The following DGKK variants were observed in gnomAD, a reference collection of about 807,000 sequenced individuals.
DGKK encodes the protein 142 kDa diacylglycerol kinase.
A neutral mutation model predicts 92.2 loss-of-function variants in DGKK; 35 were observed. The observed-to-expected ratio is 0.38, with a 90% CI of 0.29 to 0.50. DGKK has a LOEUF of 0.50. Ranked by LOEUF, DGKK falls within the 20% of genes least tolerant of loss-of-function variation. DGKK has a pLI of 0.92. For missense variants in DGKK, 910 were observed against 992.2 expected (o/e 0.92, Z 1.11); for synonymous variants, 368 against 360.6 (o/e 1.02, Z -0.23).
chrX:50,469,108 T>C lies in DGKK; in HGVS notation c.645+926A>G, dbSNP rs782245701. Among the ~76,000 whole-genome samples the C allele has an allele frequency of 1.4e-4, 15 of 110,786 alleles. No homozygotes were observed. In the South Asian group the frequency reaches 5.8e-3, roughly 43 times the overall value. ...TTCCTCCCTACTCCCCTTGGGCGAG[T>C]GCCAGAAGATTCTCCACTCATCTTT... On this transcript the variant is annotated intron_variant, in intron 1 of 27. Coordinates refer to ENST00000611977, the MANE Select transcript of DGKK (RefSeq NM_001013742.4).
chrX:50,405,003 G>A (rs1389100552), intron 4 of DGKK, among the ~76,000 whole-genome samples: 1 of 111,345 alleles, frequency 9.0e-6, no homozygotes, highest in African/African-American at 3.3e-5. Flanking sequence ...CGCTCTGACT[G>A]CCTACAGCAG....
chrX:50,370,615 C>G, intron 26 of DGKK, 66 bp from the exon 27 acceptor site: 1 of 1,101,026 alleles, frequency 9.1e-7, no homozygotes, highest in South Asian at 2.1e-5. Context: ...TTGCTGGAGT[C>G]CTGGAAAAGT....
intron 27 of DGKK, 52 bp from the exon 28 acceptor site, chrX:50,369,071 A>G (rs1924047056): frequency 2.0e-6 from 2 of 986,716 alleles, no homozygotes; most frequent in Admixed American, 2.4e-5. Context: ...ACAATGCCAG[A>G]TGCCCAAGTA....
At position 50,378,220 on chromosome X, in the gene DGKK, T is replaced by C. The variant is rs1924321267; in HGVS notation, c.2989A>G (p.Met997Val). Residue 997 changes from methionine (M) to valine (V), a missense_variant, in exon 22 of 28, where the codon ATG becomes GTG. Transcript: ENST00000611977. Reference protein sequence around the residue: ...HHRIAQCHEVMITIDGEEGIP... With the variant: ...HHRIAQCHEVVITIDGEEGIP... ...CCTTCTTCACCATCAATGGTTATCA[T>C]CACCTCATGGCACTGCCAGAGAAAA... is the stretch of plus-strand genomic sequence containing the variant. The C allele has an allele frequency of 1.7e-6, 2 of 1,209,426 alleles. No homozygotes were observed. Among genetic ancestry groups the C allele is most frequent in the South Asian group, 1.8e-5 (1 of 56,472 alleles).
At chrX:50,387,762 G>C in intron 13 of DGKK, 109 bp from the exon 14 acceptor site, 1 of 510,980 alleles carries the variant, frequency 2.0e-6, no homozygotes, top group Non-Finnish European at 3.2e-6. Flanking sequence ...TTCCTGATCT[G>C]TCCTCTTTCT....
intron 3 of DGKK, 117 bp downstream of exon 3, chrX:50,422,329 G>A: frequency 2.0e-6 from 1 of 511,461 alleles, no homozygotes; most frequent in East Asian, 3.8e-5. Flanking sequence ...ATAACACTTT[G>A]GGATCAAAGG....
In DGKK at chrX:50,391,592, G is replaced by T; in HGVS notation, c.1705-16C>A. The T allele has an allele frequency of 8.3e-7, 1 of 1,210,381 alleles. No homozygotes were observed. Among genetic ancestry groups the T allele is most frequent in the African/African-American group, 1.7e-5 (1 of 57,779 alleles). On this transcript the variant is annotated splice_polypyrimidine_tract_variant and intron_variant, in intron 10 of 27. Transcript: ENST00000611977. ...CCAACTGACACTGCAAGAACAAAAG[G>T]AGACACCCTTTTCAGACAGTCTTTC...
Position 50,403,102 on chromosome X carries a change from G to C in DGKK, c.1267C>G (p.Gln423Glu). ...AGGCAGCGGAAGTCTTGAAGTCTTT[G>C]ATAACTGCCACAGCTCTCATGACAC... ...AVCHESCGSY[Q>E]RLQDFRCLWC... Residue 423 changes from glutamine to glutamate, a missense_variant, in exon 7 of 28, where the codon CAA (glutamine) becomes GAA (glutamate). Physicochemically the swap from Gln to Glu is conservative, Grantham distance 29 (BLOSUM62 2). Transcript: ENST00000611977. 8.3e-7 allele frequency: 1 copy of C among 1,210,219 alleles called. No individual in the cohort carries two copies. The highest frequency in any genetic ancestry group is 1.1e-6 in the Non-Finnish European group (1 of 894,806).
chrX:50,405,641 A>C (rs1035335334), intron 4 of DGKK, among the ~76,000 whole-genome samples: 10 of 110,430 alleles, frequency 9.1e-5, no homozygotes, highest in Non-Finnish European at 1.5e-4. Flanking sequence ...TAGCCTGCAC[A>C]TTGCCCTCTC....
rs143988336 is a variant in DGKK, at chrX:50,410,783, T to C, written c.943-6599A>G. Among the ~76,000 whole-genome samples, 970 of 111,947 alleles carry C rather than the reference T, an allele frequency of 8.7e-3. 6 individuals are homozygous for C. The highest frequency in any genetic ancestry group is 0.037 in the Middle Eastern group (8 of 217). ...GCCTCAGAGAATTTCCCTGGAGTTATGGTTTCTAAGTGGGAAAAGAGAGTT... is the reference window on the plus strand; with the variant it reads ...GCCTCAGAGAATTTCCCTGGAGTTACGGTTTCTAAGTGGGAAAAGAGAGTT... On this transcript the variant is annotated intron_variant, in intron 4 of 27. Transcript: ENST00000611977.
intron 4 of DGKK, 80 bp from the exon 5 acceptor site, chrX:50,404,264 A>G: frequency 1.8e-6 from 2 of 1,084,301 alleles, no homozygotes; most frequent in Non-Finnish European, 2.5e-6. Context: ...TCTGCTGCTA[A>G]GTCTAAAATG....
intron 1 of DGKK, among the ~76,000 whole-genome samples, chrX:50,430,691 T>A (rs370002031): frequency 2.0e-4 from 22 of 111,923 alleles, no homozygotes; most frequent in African/African-American, 6.8e-4. Flanking sequence ...TTCAGTTTCA[T>A]TCTGAATCCT....
Position 50,379,662 on chromosome X carries a change from C to T in DGKK, c.2827G>A (p.Gly943Ser). 1 of 1,211,372 alleles carries T rather than the reference C, an allele frequency of 8.3e-7. No individual in the cohort carries two copies. The highest frequency in any genetic ancestry group is 1.7e-5 in the African/African-American group (1 of 57,862). ...VVLNITSYAG[G>S]INFWGSNTAT... ...GTGTTGCTTCCCCAGAAGTTGATAC[C>T]TCCAGCATAGCTGGTAATGTTGAGC... The change falls in exon 20 of 28, where the codon GGT becomes AGT. Residue 943 changes from glycine (G) to serine (S), a missense_variant. Coordinates refer to ENST00000611977, the MANE Select transcript of DGKK (RefSeq NM_001013742.4).
rs782363767 is a variant in DGKK at position 50,366,004 on chromosome X, C to A, written c.*2936G>T. Reference sequence around the variant, plus strand: ...TATCGGCTTTTTCTTCTCCACTATTCTTCTGGCCAGGAATTGCCTACCCAA... The same window carrying A: ...TATCGGCTTTTTCTTCTCCACTATTATTCTGGCCAGGAATTGCCTACCCAA... On this transcript the variant is annotated 3_prime_UTR_variant, in exon 28 of 28. Coordinates refer to ENST00000611977, the MANE Select transcript of DGKK (RefSeq NM_001013742.4). The A allele has an allele frequency of 1.8e-5, 2 of 111,778 alleles. No individual in the cohort carries two copies. Among genetic ancestry groups the A allele is most frequent in the South Asian group, 3.8e-4 (1 of 2,611 alleles). 9.2% of individuals were successfully genotyped at this position (111,778 alleles called of 1,213,427 possible).
intron 6 of DGKK, 107 bp from the exon 7 acceptor site, chrX:50,403,290 C>T (rs1925058245): frequency 1.0e-6 from 1 of 996,127 alleles, no homozygotes; most frequent in Admixed American, 3.2e-5. Context: ...GGTAAATGAC[C>T]CAAATGACCC....
chrX:50,369,432 CT>C (rs1288678634), intron 27 of DGKK, among the ~76,000 whole-genome samples: 7 of 109,980 alleles, frequency 6.4e-5, no homozygotes, highest in Admixed American at 4.8e-4. Flanking sequence ...TTCTTTTTTT[CT>C]TTTTTTTCTT....
intron 1 of DGKK, among the ~76,000 whole-genome samples, chrX:50,437,491 C>T (rs1926060204): frequency 8.9e-6 from 1 of 112,303 alleles, no homozygotes; most frequent in East Asian, 2.8e-4. Flanking sequence ...TAAATGGCCA[C>T]TAACTACAGT....
chrX:50,447,551 G>A (rs1926397773), intron 1 of DGKK, among the ~76,000 whole-genome samples: 1 of 98,409 alleles, frequency 1.0e-5, no homozygotes, highest in Admixed American at 1.2e-4. Context: ...GCAGAGCACT[G>A]GTTTTAGGTG....
chrX:50,393,079 C>A, intron 9 of DGKK, 73 bp downstream of exon 9: 1 of 884,177 alleles, frequency 1.1e-6, no homozygotes, highest in Non-Finnish European at 1.6e-6. Context: ...TCCAAGAAGC[C>A]TGTTTTAGTT....
Sources: gnomAD v4.1 joint callset for allele counts (sites outside exome capture counted in the v4.1 genomes callset) on GRCh38, gnomAD v4.1.1 for gene constraint, MANE v1.5 for transcripts, NCBI Gene and HGNC (gene_info 2026-07-23, HGNC 2026-07-21) for gene names.